Variants in EPHA6 observed in about 807,000 individuals in gnomAD.
The protein encoded by EPHA6 is EPH receptor A6.
EPHA6 carries 50 observed loss-of-function variants against 112.0 expected under a neutral mutation model. The observed-to-expected ratio is 0.45, with a 90% CI of 0.36 to 0.56. The LOEUF (loss-of-function observed/expected upper bound fraction) is 0.56, where lower values mean the gene tolerates loss of function less well. Among genes scored for constraint, EPHA6 ranks in the 20% least tolerant of loss-of-function variants. The probability of loss-of-function intolerance (pLI) is 0.00; values close to 1 mark genes in which losing one functional copy is unlikely to be tolerated. For synonymous variants in EPHA6, 529 were observed against 490.7 expected, an observed-to-expected ratio of 1.08 and a Z score of -1.03; for missense variants, 1,280 against 1,417.4, an observed-to-expected ratio of 0.90 and a Z score of 1.56.
chr3:96,975,299 A>C (rs991865658), intron 2 of EPHA6, among the ~76,000 whole-genome samples: 1 of 152,102 alleles, frequency 6.6e-6, no homozygotes, highest in East Asian at 1.9e-4. Context: ...GCCCTTTGCT[A>C]TATCTAATAA....
chr3:97,330,723 C>T (rs2082751369), intron 5 of EPHA6, among the ~76,000 whole-genome samples: 1 of 152,082 alleles, frequency 6.6e-6, no homozygotes, highest in Non-Finnish European at 1.5e-5. Flanking sequence ...GCACCCAATA[C>T]AGGAGCACCC....
chr3:97,510,483 T>C (rs1204977701), intron 10 of EPHA6, among the ~76,000 whole-genome samples: 1 of 152,156 alleles, frequency 6.6e-6, no homozygotes, highest in African/African-American at 2.4e-5. Flanking sequence ...GGAGGTCCAC[T>C]CAGACCCTGT....
intron 2 of EPHA6, among the ~76,000 whole-genome samples, chr3:96,915,346 T>A (rs945465808): frequency 1.3e-5 from 2 of 152,094 alleles, no homozygotes; most frequent in Non-Finnish European, 2.9e-5. Context: ...TAGGCTATTT[T>A]TCTATACCTA....
intron 2 of EPHA6, among the ~76,000 whole-genome samples, chr3:96,939,867 A>C (rs1228066718): frequency 6.6e-6 from 1 of 152,166 alleles, no homozygotes; most frequent in African/African-American, 2.4e-5. Context: ...TGTACCCAGT[A>C]GTCATTCAGG....
intron 5 of EPHA6, among the ~76,000 whole-genome samples, chr3:97,264,464 G>A (rs1231327568): frequency 6.6e-6 from 1 of 152,238 alleles, no homozygotes; most frequent in Non-Finnish European, 1.5e-5. Flanking sequence ...AGGGAATGTG[G>A]TGGTGCATGG....
chr3:97,181,476 C>T (rs1256142681), intron 3 of EPHA6, among the ~76,000 whole-genome samples: 7 of 151,906 alleles, frequency 4.6e-5, no homozygotes, highest in African/African-American at 2.4e-5. Flanking sequence ...TGTTTGTTGA[C>T]GTTCCCTAGC....
intron 7 of EPHA6, among the ~76,000 whole-genome samples, chr3:97,457,168 A>T (rs2090717962): frequency 6.6e-6 from 1 of 152,210 alleles, no homozygotes; most frequent in African/African-American, 2.4e-5. Flanking sequence ...TCATGCACTA[A>T]GCTCAAGTAG....
chr3:97,419,903 C>CT (rs2088473175), intron 6 of EPHA6, among the ~76,000 whole-genome samples: 1 of 151,700 alleles, frequency 6.6e-6, no homozygotes, highest in Non-Finnish European at 1.5e-5. Flanking sequence ...ACTGGGAAGC[C>CT]GCTAGAAATC....
At position 97,331,331 on chromosome 3, in the gene EPHA6, T is replaced by TA. The variant is rs2082787823; in HGVS notation, c.1607-73815dup. Among the ~76,000 whole-genome samples the TA allele has an allele frequency of 2.0e-5, 3 of 151,650 alleles. No individual in the cohort carries two copies. In the South Asian group the frequency reaches 6.3e-4, roughly 32 times the overall value. ...GAAATTGACACCCTAACATCACAAT[T>TA]AAAAGAACTGGAGAAGCAAGAACAA... On this transcript the variant is annotated intron_variant, in intron 5 of 17. Transcript: ENST00000389672.
At chr3:97,245,847 G>GCA (rs145664862) in intron 5 of EPHA6, among the ~76,000 whole-genome samples, 14 of 150,132 alleles carry the variant, frequency 9.3e-5, no homozygotes, top group East Asian at 3.9e-4. Flanking sequence ...TAAATGTCAT[G>GCA]CACACACACA....
chr3:97,122,075 G>A lies in EPHA6; in HGVS notation c.1115-104189G>A, dbSNP rs146533085. 5.9e-3 allele frequency among the ~76,000 whole-genome samples: 896 copies of A among 152,034 alleles called. 4 individuals carry two copies. Among genetic ancestry groups the A allele is most frequent in the Admixed American group, 9.9e-3 (151 of 15,238 alleles). ...AGAAATTAAACTTGTTTACATACGTGCCCTCAATAACAAATACAGTAGAAT... is the reference window on the plus strand; with the variant it reads ...AGAAATTAAACTTGTTTACATACGTACCCTCAATAACAAATACAGTAGAAT... On this transcript the variant is annotated intron_variant, in intron 3 of 17. Coordinates refer to ENST00000389672, the MANE Select transcript of EPHA6 (RefSeq NM_001080448.3).
At chr3:96,821,223 A>G (rs1018625478) in intron 1 of EPHA6, among the ~76,000 whole-genome samples, 1 of 151,946 alleles carries the variant, frequency 6.6e-6, no homozygotes, top group Non-Finnish European at 1.5e-5. Flanking sequence ...TTTTAATACT[A>G]CTACATGAAA....
At chr3:97,407,544 C>G (rs1577276135) in intron 6 of EPHA6, among the ~76,000 whole-genome samples, 1 of 151,856 alleles carries the variant, frequency 6.6e-6, no homozygotes. Flanking sequence ...AAACATATTG[C>G]TTTATGGGTT....
chr3:96,937,463 T>TC (rs968894185), intron 2 of EPHA6, among the ~76,000 whole-genome samples: 11 of 151,996 alleles, frequency 7.2e-5, no homozygotes, highest in African/African-American at 2.7e-4. Context: ...TGTTTGTTTT[T>TC]TCTTGTGAAT....
At chr3:96,834,910 G>C (rs993012921) in intron 1 of EPHA6, among the ~76,000 whole-genome samples, 1 of 151,758 alleles carries the variant, frequency 6.6e-6, no homozygotes, top group African/African-American at 2.4e-5. Context: ...GCAGGTGTCC[G>C]GCCATACAAC....
chr3:97,475,436 C>A lies in EPHA6; in HGVS notation c.1979C>A (p.Thr660Asn). Residue 660 changes from threonine to asparagine, a missense_variant, in exon 8 of 18, where the codon ACT becomes AAT. By Grantham distance (65) the Thr-to-Asn change is moderately conservative. This residue lies in a region of EPHA6 where 878 missense variants were observed against 999.7 expected (regional missense o/e 0.88). Coordinates refer to ENST00000389672, the MANE Select transcript of EPHA6 (RefSeq NM_001080448.3). ...GGATTCACTCTCCTCGTCATCCTCA[C>A]TTTATTCTTCTTGATCACTGGGAGG... ...VGGFTLLVIL[T>N]LFFLITGRCQ... The A allele has an allele frequency of 6.2e-7, 1 of 1,611,052 alleles. No homozygotes were observed. The highest frequency in any genetic ancestry group is 8.5e-7 in the Non-Finnish European group (1 of 1,178,230).
chr3:97,144,186 C>T (rs922200534), intron 3 of EPHA6, among the ~76,000 whole-genome samples: 2 of 151,618 alleles, frequency 1.3e-5, no homozygotes, highest in African/African-American at 4.8e-5. Flanking sequence ...CAGAACTTTC[C>T]ATTTTTGTCA....
chr3:97,083,615 G>A (rs550763254), intron 3 of EPHA6, among the ~76,000 whole-genome samples: 4 of 151,512 alleles, frequency 2.6e-5, no homozygotes, highest in East Asian at 2.0e-4. Context: ...TTTCTACTCC[G>A]AATCTTGTTT....
At chr3:97,357,094 C>A (rs1421148080) in intron 5 of EPHA6, among the ~76,000 whole-genome samples, 3 of 152,158 alleles carry the variant, frequency 2.0e-5, no homozygotes, top group Non-Finnish European at 4.4e-5. Context: ...AATATAGCCA[C>A]CCTTGCTCTC....
Sources: allele counts gnomAD v4.1 joint callset (sites outside exome capture counted in the v4.1 genomes callset), GRCh38; gene constraint gnomAD v4.1.1; regional missense constraint gnomAD v4.1.1; transcripts MANE v1.5; gene names NCBI Gene and HGNC (gene_info 2026-07-23, HGNC 2026-07-21).